Variants in CCBE1 observed in about 807,000 individuals in gnomAD.
CCBE1 encodes collagen and calcium-binding EGF domain-containing protein 1.
In CCBE1, 37 loss-of-function variants were observed where a neutral mutation model predicts 50.0. The observed-to-expected ratio is 0.74, with a 90% CI of 0.57 to 0.97. The LOEUF is 0.97. CCBE1 is among the 50% of genes least tolerant of loss of function. The pLI, the probability that CCBE1 is intolerant of heterozygous loss-of-function variation, is 0.00. For synonymous variants in CCBE1, 234 were observed against 203.7 expected (o/e 1.15, Z -1.27); for missense variants, 538 against 523.8 (o/e 1.03, Z -0.26).
intron 7 of CCBE1, among the ~76,000 whole-genome samples, chr18:59,443,346 A>ACAT (rs1262520881): frequency 6.6e-6 from 1 of 152,172 alleles, no homozygotes; most frequent in Non-Finnish European, 1.5e-5. Flanking sequence ...CTGGGTACAG[A>ACAT]CATCAGCATG....
chr18:59,659,287 AT>A (rs1420448042), intron 2 of CCBE1, among the ~76,000 whole-genome samples: 2 of 140,918 alleles, frequency 1.4e-5, no homozygotes, highest in African/African-American at 5.4e-5. Context: ...CATTAAAAGA[AT>A]TTACATGTTT....
At chr18:59,657,357 CACTT>C (rs2054204429) in intron 2 of CCBE1, among the ~76,000 whole-genome samples, 1 of 152,180 alleles carries the variant, frequency 6.6e-6, no homozygotes, top group African/African-American at 2.4e-5. Flanking sequence ...AAAAATTACA[CACTT>C]AAAGGGAGAA....
At chr18:59,454,021 G>T (rs1308799163) in intron 6 of CCBE1, among the ~76,000 whole-genome samples, 3 of 152,108 alleles carry the variant, frequency 2.0e-5, no homozygotes, top group East Asian at 3.8e-4. Flanking sequence ...TACCCACAGG[G>T]CTGCTTTTCT....
intron 2 of CCBE1, among the ~76,000 whole-genome samples, chr18:59,680,402 T>C (rs62094423): frequency 0.26 from 38,683 of 151,556 alleles, 5,576 homozygotes; most frequent in Non-Finnish European, 0.32. Flanking sequence ...TGACAACGCA[T>C]GTAAAGAACA....
At chr18:59,643,682 G>A (rs1252721104) in intron 2 of CCBE1, among the ~76,000 whole-genome samples, 1 of 152,248 alleles carries the variant, frequency 6.6e-6, no homozygotes, top group Non-Finnish European at 1.5e-5. Context: ...TTAGCCAAGT[G>A]TGGGGGCGCA....
chr18:59,668,934 C>G (rs564596693), intron 2 of CCBE1, among the ~76,000 whole-genome samples: 1 of 147,672 alleles, frequency 6.8e-6, no homozygotes, highest in East Asian at 2.0e-4. Flanking sequence ...AAGCAATTCT[C>G]CCACCTCAGC....
chr18:59,668,912 C>T (rs112610258), intron 2 of CCBE1, among the ~76,000 whole-genome samples: 2,753 of 149,658 alleles, frequency 0.018, 79 homozygotes, highest in African/African-American at 0.065. Flanking sequence ...GCAACCTCCA[C>T]CTCCCAGATT....
At chr18:59,678,667 G>GGT (rs2054542565) in intron 2 of CCBE1, among the ~76,000 whole-genome samples, 1 of 145,174 alleles carries the variant, frequency 6.9e-6, no homozygotes, top group African/African-American at 2.7e-5. Flanking sequence ...TGAGTAACAG[G>GGT]GATTACAGGT....
intron 2 of CCBE1, among the ~76,000 whole-genome samples, chr18:59,647,539 T>C (rs1568252389): frequency 1.3e-5 from 2 of 152,354 alleles, no homozygotes; most frequent in South Asian, 2.1e-4. Context: ...GCAAGGCTTA[T>C]TCCTAACAAC....
At chr18:59,477,995 A>G (rs1166148492) in intron 3 of CCBE1, among the ~76,000 whole-genome samples, 1 of 152,180 alleles carries the variant, frequency 6.6e-6, no homozygotes, top group African/African-American at 2.4e-5. Context: ...TAACATTGAA[A>G]TCAGTAGACT....
chr18:59,483,457 A>G (rs1912670252), intron 2 of CCBE1, among the ~76,000 whole-genome samples: 1 of 152,218 alleles, frequency 6.6e-6, no homozygotes, highest in Non-Finnish European at 1.5e-5. Flanking sequence ...TTCTTTTGAA[A>G]ATGTTTCAAA....
chr18:59,633,884 A>G (rs1429133763), intron 2 of CCBE1, among the ~76,000 whole-genome samples: 1 of 152,252 alleles, frequency 6.6e-6, no homozygotes, highest in African/African-American at 2.4e-5. Flanking sequence ...TGATATCTTG[A>G]CTTAACATAG....
intron 2 of CCBE1, 119 bp from the exon 3 acceptor site, chr18:59,480,357 TA>T: frequency 1.4e-6 from 1 of 699,596 alleles, no homozygotes; most frequent in Non-Finnish European, 2.5e-6. Context: ...TAAAGCAAAG[TA>T]GGGGTGAAGT....
chr18:59,484,589 G>A (rs999334848), intron 2 of CCBE1, among the ~76,000 whole-genome samples: 1 of 152,208 alleles, frequency 6.6e-6, no homozygotes, highest in Non-Finnish European at 1.5e-5. Flanking sequence ...ATCAGATAAT[G>A]AAGTGATCTG....
intron 2 of CCBE1, among the ~76,000 whole-genome samples, chr18:59,533,143 A>G (rs948575880): frequency 3.9e-5 from 6 of 152,220 alleles, no homozygotes; most frequent in African/African-American, 1.4e-4. Context: ...ATATGTTCAA[A>G]CAAAATCTTT....
chr18:59,446,672 T>TC (rs1293570141), intron 7 of CCBE1, among the ~76,000 whole-genome samples: 1 of 152,168 alleles, frequency 6.6e-6, no homozygotes, highest in East Asian at 1.9e-4. Flanking sequence ...CCTGTGTCCT[T>TC]CCTCCTTGGG....
In CCBE1 at chr18:59,439,542, C is replaced by T. The variant is rs1478511447; in HGVS notation, c.951+1G>A. ...TTGTGAGGACCACTCATAAGGCTTACCTTAGAACCATCTCTTCCTGGTGCC... is the reference window on the plus strand; with the variant it reads ...TTGTGAGGACCACTCATAAGGCTTATCTTAGAACCATCTCTTCCTGGTGCC... On this transcript the variant is annotated splice_donor_variant, in intron 9 of 10. Transcript: ENST00000439986. LOFTEE classifies it high-confidence loss of function. 1.2e-6 allele frequency: 2 copies of T among 1,614,134 alleles called. No individual in the cohort carries two copies. Among genetic ancestry groups the T allele is most frequent in the African/African-American group, 2.7e-5 (2 of 74,950 alleles).
chr18:59,477,318 C>A (rs149198693), intron 3 of CCBE1, among the ~76,000 whole-genome samples: 3 of 151,176 alleles, frequency 2.0e-5, no homozygotes, highest in Non-Finnish European at 4.4e-5. Flanking sequence ...GCAGGGCTAA[C>A]GTCTCAGATC....
At chr18:59,573,087 C>T (rs2052938281) in intron 2 of CCBE1, among the ~76,000 whole-genome samples, 2 of 151,352 alleles carry the variant, frequency 1.3e-5, no homozygotes, top group Non-Finnish European at 2.9e-5. Context: ...AGTTCCAGGA[C>T]CAGGCAGGCC....
Sources: gnomAD v4.1 joint callset for allele counts (sites outside exome capture counted in the v4.1 genomes callset) on GRCh38, gnomAD v4.1.1 for gene constraint, MANE v1.5 for transcripts, NCBI Gene and HGNC (gene_info 2026-07-23, HGNC 2026-07-21) for gene names.